TDRD7: variants seen among roughly 807,000 people sequenced by gnomAD.
TDRD7 encodes tudor domain-containing protein 7.
In TDRD7, 47 loss-of-function variants were observed where a neutral mutation model predicts 109.8. The observed-to-expected ratio is 0.43, with a 90% CI of 0.34 to 0.55. TDRD7 has a LOEUF of 0.55. TDRD7 is among the 20% of genes least tolerant of loss of function. TDRD7 has a pLI of 0.03. For synonymous variants in TDRD7, 424 were observed against 457.3 expected (o/e 0.93, Z 0.93); for missense variants, 1,164 against 1,319.2 (o/e 0.88, Z 1.82).
intron 1 of TDRD7, among the ~76,000 whole-genome samples, chr9:97,415,776 A>G (rs1045887285): frequency 1.3e-5 from 2 of 152,210 alleles, no homozygotes; most frequent in Non-Finnish European, 2.9e-5. Context: ...TGAAATTCCT[A>G]TGATATACTT....
chr9:97,437,970 C>T (rs1434213269), intron 4 of TDRD7, among the ~76,000 whole-genome samples: 2 of 152,028 alleles, frequency 1.3e-5, no homozygotes, highest in Non-Finnish European at 2.9e-5. Flanking sequence ...CTTTCCTCTC[C>T]AGTAGACCTC....
chr9:97,437,566 C>T (rs1199673111), intron 4 of TDRD7, among the ~76,000 whole-genome samples: 2 of 152,180 alleles, frequency 1.3e-5, no homozygotes, highest in African/African-American at 4.8e-5. Flanking sequence ...GAAGGGATTA[C>T]ACAAGGCTGT....
In TDRD7 at chr9:97,460,529, T is replaced by G; in HGVS notation, c.1207T>G (p.Tyr403Asp). The part of the protein sequence containing the change: ...ISGNPQKAIL[Y>D]AKLPLPTDKI... ...TGGAAATCCCCAGAAGGCCATTCTC[T>G]ATGCTAAACTTCCATTGCCCACTGA... is the stretch of plus-strand genomic sequence containing the variant. The change falls in exon 7 of 17, where the codon TAT becomes GAT. Residue 403 changes from tyrosine to aspartate, a missense_variant. Physicochemically the swap from Tyr to Asp is radical, Grantham distance 160. Around this residue, in one of 5 missense-constraint regions of TDRD7, gnomAD observed 407 missense variants for 394.0 expected, o/e 1.03. Transcript: ENST00000355295. The G allele has an allele frequency of 6.2e-7, 1 of 1,614,216 alleles. No individual in the cohort carries two copies. Among genetic ancestry groups the G allele is most frequent in the Non-Finnish European group, 8.5e-7 (1 of 1,180,040 alleles).
At position 97,472,509 on chromosome 9, in the gene TDRD7, C is replaced by A. The variant is rs202082986; in HGVS notation, c.1944+14C>A. On this transcript the variant is annotated intron_variant, in intron 10 of 16. Coordinates refer to ENST00000355295, the MANE Select transcript of TDRD7 (RefSeq NM_014290.3). ...GTTCACCTGCAGGTACCACTGTGAT[C>A]ACTGTTGTTGCTTGTTACACATTTT... 5 of 1,603,364 alleles carry A rather than the reference C, an allele frequency of 3.1e-6. No individual in the cohort carries two copies. Among genetic ancestry groups the A allele is most frequent in the South Asian group, 1.1e-5 (1 of 90,814 alleles).
intron 1 of TDRD7, among the ~76,000 whole-genome samples, chr9:97,421,701 TGTGTGTGTGTGTGTGTGTG>T (rs1827903207): frequency 1.7e-4 from 1 of 5,772 alleles, no homozygotes; most frequent in East Asian, 0.013. Context: ...CCAGCTTTTG[TGTGTGTGTGTGTGTGTGTG>T]TGTGTGTGTG....
At chr9:97,459,242 AG>A (rs1327815474) in intron 6 of TDRD7, among the ~76,000 whole-genome samples, 2 of 152,258 alleles carry the variant, frequency 1.3e-5, no homozygotes, top group Admixed American at 1.3e-4. Context: ...GAGCAAAAGC[AG>A]CCAGAGAGAA....
chr9:97,453,543 G>A (rs2118445980), intron 6 of TDRD7, among the ~76,000 whole-genome samples: 2 of 150,950 alleles, frequency 1.3e-5, no homozygotes, highest in Admixed American at 1.3e-4. Context: ...GAACAGTATG[G>A]TACGGCAGCC....
intron 6 of TDRD7, among the ~76,000 whole-genome samples, chr9:97,457,826 C>T (rs181866855): frequency 6.4e-4 from 98 of 152,306 alleles, no homozygotes; most frequent in Non-Finnish European, 1.1e-3. Context: ...AGATTATCTC[C>T]TTGCGGGGAC....
intron 2 of TDRD7, 85 bp from the exon 3 acceptor site, chr9:97,430,848 A>C: frequency 1.9e-6 from 3 of 1,545,922 alleles, no homozygotes; most frequent in Non-Finnish European, 8.9e-7. Context: ...ATGTAGGCTC[A>C]CTAAGATCCA....
intron 2 of TDRD7, among the ~76,000 whole-genome samples, chr9:97,429,266 A>G (rs1313488088): frequency 6.6e-6 from 1 of 152,188 alleles, no homozygotes; most frequent in East Asian, 1.9e-4. Context: ...AGTATAGGCC[A>G]TTTAGTGGTA....
At chr9:97,427,545 A>G (rs1011776849) in intron 1 of TDRD7, among the ~76,000 whole-genome samples, 1 of 152,198 alleles carries the variant, frequency 6.6e-6, no homozygotes, top group East Asian at 1.9e-4. Flanking sequence ...CCTAGTGAAT[A>G]TATCTGCATG....
In TDRD7 at chr9:97,454,705, A is replaced by G. The variant is rs1270685691; in HGVS notation, c.856-5473A>G. On this transcript the variant is annotated intron_variant, in intron 6 of 16. Coordinates refer to ENST00000355295, the MANE Select transcript of TDRD7 (RefSeq NM_014290.3). ...TAATGCAGTGTTAAGAGGGAAATGT[A>G]TAGTCTAAATGCCCACATCAGAAAT... 3.9e-5 allele frequency among the ~76,000 whole-genome samples: 6 copies of G among 152,224 alleles called. No individual in the cohort carries two copies. The South Asian group carries it at 1.2e-3, about 32-fold the overall frequency.
chr9:97,434,881 A>C (rs1002827194), intron 4 of TDRD7, among the ~76,000 whole-genome samples: 3 of 152,224 alleles, frequency 2.0e-5, no homozygotes, highest in African/African-American at 7.2e-5. Context: ...ATGGATCTCA[A>C]GGGAATCATG....
At chr9:97,447,389 A>G (rs1476081173) in intron 6 of TDRD7, among the ~76,000 whole-genome samples, 1 of 152,218 alleles carries the variant, frequency 6.6e-6, no homozygotes, top group African/African-American at 2.4e-5. Context: ...AAATATATAA[A>G]GCAGCTATTA....
intron 16 of TDRD7, among the ~76,000 whole-genome samples, chr9:97,490,059 A>G (rs189446248): frequency 1.3e-5 from 2 of 152,234 alleles, no homozygotes; most frequent in East Asian, 1.9e-4. Flanking sequence ...CGCATACAGA[A>G]TCAAATACAT....
chr9:97,457,478 A>G (rs533252313), intron 6 of TDRD7, among the ~76,000 whole-genome samples: 11 of 152,122 alleles, frequency 7.2e-5, no homozygotes, highest in Admixed American at 5.9e-4. Context: ...TCCCGGGTTC[A>G]AGTGATTCTC....
At chr9:97,468,901 CAG>C (rs776709864) in intron 8 of TDRD7, among the ~76,000 whole-genome samples, 49 of 152,186 alleles carry the variant, frequency 3.2e-4, no homozygotes, top group Non-Finnish European at 5.0e-4. Context: ...GCAAAGGACA[CAG>C]AGCAGAGTGT....
At position 97,478,499 on chromosome 9, in the gene TDRD7, A is replaced by G. The variant is rs1237895692; in HGVS notation, c.2227A>G (p.Thr743Ala). The change falls in exon 13 of 17, where the codon ACA becomes GCA. Residue 743 changes from threonine to alanine, a missense_variant. Thr to Ala is a moderately conservative substitution (Grantham distance 58, BLOSUM62 0). This residue lies in a region of TDRD7 where 233 missense variants were observed against 218.0 expected (regional missense o/e 1.07). Transcript: ENST00000355295. ...DVQFLDSGTV[T>A]SVKVSELREI... ...TCAGTTCCTGGACTCTGGCACTGTG[A>G]CATCTGTAAAAGTGTCAGAGCTCAG... 6.2e-7 allele frequency: 1 copy of G among 1,614,054 alleles called. No individual in the cohort carries two copies. The highest frequency in any genetic ancestry group is 8.5e-7 in the Non-Finnish European group (1 of 1,179,986).
At chr9:97,461,732 G>A (rs1828728358) in intron 7 of TDRD7, among the ~76,000 whole-genome samples, 2 of 152,226 alleles carry the variant, frequency 1.3e-5, no homozygotes, top group Admixed American at 1.3e-4. Context: ...ACCAGTCCAG[G>A]GTGTGGCCAT....
Sources: allele counts gnomAD v4.1 joint callset (sites outside exome capture counted in the v4.1 genomes callset), GRCh38; gene constraint gnomAD v4.1.1; regional missense constraint gnomAD v4.1.1; transcripts MANE v1.5; gene names NCBI Gene and HGNC (gene_info 2026-07-23, HGNC 2026-07-21).